The following ACSL3 variants were observed in gnomAD, a reference collection of about 807,000 sequenced individuals.
ACSL3 encodes the protein fatty acid CoA ligase Acsl3.
A neutral mutation model predicts 84.7 loss-of-function variants in ACSL3; 34 were observed. The ratio of observed to expected loss-of-function variants is 0.40; its 90% CI spans 0.31 to 0.53. The LOEUF (loss-of-function observed/expected upper bound fraction) is 0.53, where lower values mean the gene tolerates loss of function less well. Among genes scored for constraint, ACSL3 ranks in the 20% least tolerant of loss-of-function variants. The pLI is 0.48. For missense variants in ACSL3, 680 were observed against 873.1 expected, an observed-to-expected ratio of 0.78 and a Z score of 2.79; for synonymous variants, 315 against 299.4, an observed-to-expected ratio of 1.05 and a Z score of -0.54.
At position 222,943,177 on chromosome 2, in the gene ACSL3, GTGTT is replaced by G. The variant is rs772560663; in HGVS notation, c.*1526_*1529del. 5 of 226,080 alleles carry G rather than the reference GTGTT, an allele frequency of 2.2e-5. No homozygotes were observed. Among genetic ancestry groups the G allele is most frequent in the East Asian group, 6.4e-5 (1 of 15,726 alleles). 14.0% of individuals were successfully genotyped at this position (226,080 alleles called of 1,614,324 possible). On this transcript the variant is annotated 3_prime_UTR_variant, in exon 17 of 17. Coordinates refer to ENST00000357430, the MANE Select transcript of ACSL3 (RefSeq NM_004457.5). ...AGGAGCAGCCAGGACTGTGTAGTGT[GTGTT>G]TGGTTGCATCACAAACATCGTATGT... is the stretch of plus-strand genomic sequence containing the variant.
chr2:222,926,965 G>A, intron 11 of ACSL3, 52 bp from the exon 12 acceptor site: 2 of 1,574,926 alleles, frequency 1.3e-6, no homozygotes, highest in South Asian at 2.3e-5. Context: ...AAGTGATTTG[G>A]AAAATCCCAT....
At chr2:222,883,179 T>TC (rs1171786232) in intron 1 of ACSL3, among the ~76,000 whole-genome samples, 4 of 151,100 alleles carry the variant, frequency 2.6e-5, no homozygotes, top group African/African-American at 9.7e-5. Context: ...TTTTTTTTTT[T>TC]TTCTTTTTTT....
At chr2:222,926,891 T>C (rs1179176046) in intron 11 of ACSL3, 126 bp from the exon 12 acceptor site, 2 of 985,762 alleles carry the variant, frequency 2.0e-6, no homozygotes, top group African/African-American at 3.3e-5. Context: ...CCAAATTGGC[T>C]GTGTGACCTT....
At chr2:222,937,484 C>T (rs1697204715) in intron 16 of ACSL3, among the ~76,000 whole-genome samples, 1 of 152,128 alleles carries the variant, frequency 6.6e-6, no homozygotes, top group South Asian at 2.1e-4. Context: ...TTTAGAAACA[C>T]TCAAGTTACG....
intron 3 of ACSL3, among the ~76,000 whole-genome samples, chr2:222,901,368 A>G (rs537993316): frequency 2.0e-5 from 3 of 152,282 alleles, no homozygotes; most frequent in East Asian, 1.9e-4. Flanking sequence ...TCCATAATAT[A>G]AGGATTTATT....
intron 4 of ACSL3, among the ~76,000 whole-genome samples, chr2:222,911,930 A>C (rs903067976): frequency 6.6e-6 from 1 of 152,206 alleles, no homozygotes; most frequent in African/African-American, 2.4e-5. Flanking sequence ...TTCTGTCTAT[A>C]GTTCATTACT....
chr2:222,901,742 C>T lies in ACSL3; in HGVS notation c.-41+962C>T, dbSNP rs187262157. Among the ~76,000 whole-genome samples the T allele has an allele frequency of 3.9e-3, 587 of 152,054 alleles. 2 individuals are homozygous for T. The highest frequency in any genetic ancestry group is 0.02 in the Middle Eastern group (6 of 294). On this transcript the variant is annotated intron_variant, in intron 3 of 16. Coordinates refer to ENST00000357430, the MANE Select transcript of ACSL3 (RefSeq NM_004457.5). ...TGGGCGGATCACAAGGTCAAGAGAT[C>T]GAGACCATCCTGGCCAACATGGTGA...
rs1030330840 is a variant in ACSL3, at chr2:222,887,827, C to T, written c.-206-3C>T. 6.6e-6 allele frequency: 1 copy of T among 152,102 alleles called. No individual in the cohort carries two copies. The highest frequency in any genetic ancestry group is 1.5e-5 in the Non-Finnish European group (1 of 68,014). The allele number at this position is 152,102 out of a possible 1,614,324, so 9.4% of individuals were successfully genotyped here. On this transcript the variant is annotated splice_polypyrimidine_tract_variant and splice_region_variant and intron_variant, in intron 1 of 16. Coordinates refer to ENST00000357430, the MANE Select transcript of ACSL3 (RefSeq NM_004457.5). ...CTTGTCTTTTTTATGTTTGTTTTGA[C>T]AGGTTTTGACACAAGGGCGCATATC...
chr2:222,924,266 G>A (rs954936493), intron 10 of ACSL3, among the ~76,000 whole-genome samples, 190 bp from the exon 11 acceptor site: 2 of 152,138 alleles, frequency 1.3e-5, no homozygotes, highest in Non-Finnish European at 2.9e-5. Flanking sequence ...TTAAAAGTTT[G>A]ATCTTGATAG....
chr2:222,882,223 C>T (rs969927237), intron 1 of ACSL3, among the ~76,000 whole-genome samples: 1 of 152,076 alleles, frequency 6.6e-6, no homozygotes, highest in Admixed American at 6.5e-5. Flanking sequence ...TTTTCTAAGT[C>T]CTTGAAAGTC....
In ACSL3 at chr2:222,932,658, G is replaced by A. The variant is rs1697065776; in HGVS notation, c.1733-508G>A. ...TTTCTTTTAAAAGCATGGGCCGGGC[G>A]CGGTGGCTCACGCCTGTAATCCCAG... On this transcript the variant is annotated intron_variant, in intron 14 of 16. Transcript: ENST00000357430. 4.2e-4 allele frequency among the ~76,000 whole-genome samples: 2 copies of A among 4,802 alleles called. 1 individual carries two copies. Among genetic ancestry groups the A allele is most frequent in the Admixed American group, 5.8e-3 (2 of 342 alleles). 3.2% of individuals were successfully genotyped at this position (4,802 alleles called of 152,430 possible).
chr2:222,941,219 C>G (rs564722156), intron 16 of ACSL3, among the ~76,000 whole-genome samples: 1 of 152,296 alleles, frequency 6.6e-6, no homozygotes, highest in East Asian at 1.9e-4. Context: ...CATGAGCCAT[C>G]ATGCCTGGCT....
At chr2:222,905,625 G>A (rs1696272890) in intron 3 of ACSL3, among the ~76,000 whole-genome samples, 1 of 152,096 alleles carries the variant, frequency 6.6e-6, no homozygotes, top group Non-Finnish European at 1.5e-5. Context: ...CCATTTTCCT[G>A]TACAGAAAGC....
Position 222,943,241 on chromosome 2 carries a change from C to T in ACSL3, c.*1587C>T. 1 of 111,068 alleles carries T rather than the reference C, an allele frequency of 9.0e-6. No individual in the cohort carries two copies. Among genetic ancestry groups the T allele is most frequent in the East Asian group, 1.0e-4 (1 of 9,864 alleles). The allele number at this position is 111,068 out of a possible 1,614,324, so 6.9% of individuals were successfully genotyped here. On this transcript the variant is annotated 3_prime_UTR_variant, in exon 17 of 17. Transcript: ENST00000357430. ...GCAATACAGTGTTTTTTGTTTTCAA[C>T]TTTTCTTGTATTGTATATTTGTATT...
intron 8 of ACSL3, 122 bp from the exon 9 acceptor site, chr2:222,922,586 C>A: frequency 8.1e-7 from 1 of 1,227,860 alleles, no homozygotes; most frequent in Non-Finnish European, 1.1e-6. Flanking sequence ...CACATACACA[C>A]TTGACCAGCA....
intron 1 of ACSL3, among the ~76,000 whole-genome samples, chr2:222,883,167 G>GTTTTTTTT (rs71408541): frequency 2.9e-4 from 40 of 135,800 alleles, no homozygotes; most frequent in Admixed American, 4.4e-4. Context: ...TTTGCTTTCT[G>GTTTTTTTT]TTTTTTTTTT....
At position 222,916,424 on chromosome 2, in the gene ACSL3, A is replaced by G. The variant is rs185291213; in HGVS notation, c.484A>G (p.Ile162Val). The G allele has an allele frequency of 2.9e-5, 47 of 1,614,162 alleles. No homozygotes were observed. The East Asian group carries it at 6.9e-4, about 24-fold the overall frequency. Residue 162 changes from isoleucine to valine, a missense_variant, in exon 5 of 17, where the codon ATC becomes GTC. Around this residue, in one of 2 missense-constraint regions of ACSL3, gnomAD observed 333 missense variants for 347.5 expected, o/e 0.96. Transcript: ENST00000357430. Reference sequence around the variant, plus strand: ...GTTGGGTCAGAAACCAAAGACCAACATCGCCATCTTCTGTGAGACCAGGGC... The same window carrying G: ...GTTGGGTCAGAAACCAAAGACCAACGTCGCCATCTTCTGTGAGACCAGGGC... ...QMLGQKPKTN[I>V]AIFCETRAEW...
intron 1 of ACSL3, among the ~76,000 whole-genome samples, chr2:222,879,965 G>C (rs1357198325): frequency 6.7e-6 from 1 of 150,366 alleles, no homozygotes. Flanking sequence ...CTGGTTGTTT[G>C]CTTCAGGGAT....
chr2:222,919,895 T>C (rs144967930), intron 7 of ACSL3, among the ~76,000 whole-genome samples: 16 of 152,212 alleles, frequency 1.1e-4, no homozygotes, highest in African/African-American at 3.9e-4. Context: ...AGTACTCGAG[T>C]TATGTTTGGA....
Sources: allele counts gnomAD v4.1 joint callset (sites outside exome capture counted in the v4.1 genomes callset), GRCh38; gene constraint gnomAD v4.1.1; regional missense constraint gnomAD v4.1.1; transcripts MANE v1.5; gene names NCBI Gene and HGNC (gene_info 2026-07-23, HGNC 2026-07-21).